The following SCARA5 variants were observed in gnomAD, a reference collection of about 807,000 sequenced individuals.
SCARA5 encodes the protein scavenger receptor class A, member 5 (putative).
A neutral mutation model predicts 46.3 loss-of-function variants in SCARA5; 45 were observed. The observed-to-expected ratio is 0.97, with a 90% CI of 0.76 to 1.24. The LOEUF (loss-of-function observed/expected upper bound fraction) is 1.24. Ranked by LOEUF, SCARA5 falls within the 50% of genes most tolerant of loss-of-function variation. The pLI is 0.00. For missense variants in SCARA5, 680 were observed against 689.0 expected, an observed-to-expected ratio of 0.99 and a Z score of 0.15; for synonymous variants, 333 against 306.5, an observed-to-expected ratio of 1.09 and a Z score of -0.90.
chr8:27,984,303 T>C (rs760987018), intron 2 of SCARA5, among the ~76,000 whole-genome samples: 8 of 152,216 alleles, frequency 5.3e-5, no homozygotes, highest in Non-Finnish European at 1.0e-4. Flanking sequence ...GCCCACAAGC[T>C]TTGAAGTCAC....
intron 3 of SCARA5, among the ~76,000 whole-genome samples, chr8:27,955,442 C>T (rs939514558): frequency 2.6e-5 from 4 of 152,216 alleles, no homozygotes; most frequent in Non-Finnish European, 5.9e-5. Context: ...TGCCGGGCCA[C>T]TCTGGGCTGC....
chr8:27,880,946 G>A (rs1285269438), intron 7 of SCARA5, among the ~76,000 whole-genome samples: 2 of 149,650 alleles, frequency 1.3e-5, no homozygotes, highest in Non-Finnish European at 3.0e-5. Context: ...ATGAAAAAAT[G>A]CTCATCGTTA....
intron 2 of SCARA5, among the ~76,000 whole-genome samples, chr8:27,972,419 C>T (rs1345901945): frequency 6.6e-6 from 1 of 152,064 alleles, no homozygotes; most frequent in Non-Finnish European, 1.5e-5. Context: ...TCTTGAACAC[C>T]ACTATGCTGT....
At chr8:27,974,526 C>T (rs760873800) in intron 2 of SCARA5, among the ~76,000 whole-genome samples, 5 of 151,930 alleles carry the variant, frequency 3.3e-5, no homozygotes, top group Non-Finnish European at 7.4e-5. Context: ...CTACTTTCTT[C>T]TTGTTGTCTT....
chr8:27,985,726 G>A (rs534660969), intron 2 of SCARA5, among the ~76,000 whole-genome samples: 5 of 152,268 alleles, frequency 3.3e-5, no homozygotes, highest in African/African-American at 9.6e-5. Context: ...GAATCAGCCT[G>A]GACTCCACAC....
intron 2 of SCARA5, among the ~76,000 whole-genome samples, chr8:27,971,806 G>A (rs955139942): frequency 1.3e-5 from 2 of 149,726 alleles, no homozygotes; most frequent in Admixed American, 6.6e-5. Context: ...TGTGGAGCAC[G>A]TGGCTGCTTG....
At chr8:27,887,636 C>T (rs1372069167) in intron 7 of SCARA5, among the ~76,000 whole-genome samples, 2 of 152,190 alleles carry the variant, frequency 1.3e-5, no homozygotes, top group Non-Finnish European at 2.9e-5. Flanking sequence ...AATGCCCACC[C>T]CTGCCCCCCA....
chr8:27,896,550 T>G (rs923124413), intron 7 of SCARA5, among the ~76,000 whole-genome samples: 3 of 152,272 alleles, frequency 2.0e-5, no homozygotes, highest in Admixed American at 2.0e-4. Context: ...CCCAGAGTTA[T>G]TCTGAAACAT....
At chr8:27,893,127 C>G (rs1243469122) in intron 7 of SCARA5, among the ~76,000 whole-genome samples, 1 of 152,140 alleles carries the variant, frequency 6.6e-6, no homozygotes, top group Non-Finnish European at 1.5e-5. Context: ...CCTTTTTGCA[C>G]TCGTAGGAAG....
chr8:27,925,302 G>A (rs1807662601), intron 3 of SCARA5, among the ~76,000 whole-genome samples: 1 of 152,082 alleles, frequency 6.6e-6, no homozygotes, highest in African/African-American at 2.4e-5. Context: ...ATAGACCAAT[G>A]GAACAGAGCA....
chr8:27,971,482 A>G (rs1028082397), intron 2 of SCARA5, among the ~76,000 whole-genome samples: 1 of 152,244 alleles, frequency 6.6e-6, no homozygotes, highest in African/African-American at 2.4e-5. Context: ...AGGAAGTACC[A>G]GACAAAGCTG....
At chr8:27,928,393 A>G (rs1159437442) in intron 3 of SCARA5, among the ~76,000 whole-genome samples, 1 of 152,246 alleles carries the variant, frequency 6.6e-6, no homozygotes, top group East Asian at 1.9e-4. Context: ...TGTGCCAAGC[A>G]CTGTTCTAAG....
chr8:27,973,456 G>C (rs1289321681), intron 2 of SCARA5, among the ~76,000 whole-genome samples: 1 of 152,170 alleles, frequency 6.6e-6, no homozygotes, highest in Non-Finnish European at 1.5e-5. Context: ...CAGCCTGGGT[G>C]ACAGAGTGAG....
At chr8:27,888,340 C>G (rs1000692107) in intron 7 of SCARA5, among the ~76,000 whole-genome samples, 1 of 152,242 alleles carries the variant, frequency 6.6e-6, no homozygotes, top group African/African-American at 2.4e-5. Context: ...CCTTAATATT[C>G]CTTTCTGCTG....
rs1807595409 is a variant in SCARA5 at position 27,921,850 on chromosome 8, C to T, written c.637G>A (p.Val213Met). 6.5e-7 allele frequency: 1 copy of T among 1,528,832 alleles called. No homozygotes were observed. Among genetic ancestry groups the T allele is most frequent in the East Asian group, 2.5e-5 (1 of 40,816 alleles). 94.7% of individuals were successfully genotyped at this position (1,528,832 alleles called of 1,614,324 possible). A position where few individuals can be genotyped will look rare whatever the true frequency, so the allele number is the denominator to read the frequency against. Residue 213 changes from valine (V) to methionine (M), a missense_variant, in exon 4 of 9, where the codon GTG becomes ATG. By Grantham distance (21) the Val-to-Met change is conservative. This residue lies in a region of SCARA5 where 438 missense variants were observed against 384.5 expected (regional missense o/e 1.14). Transcript: ENST00000354914. Reference protein sequence around the residue: ...AGLLDGLARRVGILGEELADV... With the variant: ...AGLLDGLARRMGILGEELADV... ...GCCAGCTCCTCGCCCAGGATGCCCA[C>T]CCTGCGCGCCAGCCCGTCCAGCAGG...
chr8:27,919,497 T>C (rs1807547387), intron 4 of SCARA5, among the ~76,000 whole-genome samples: 1 of 152,064 alleles, frequency 6.6e-6, no homozygotes, highest in Non-Finnish European at 1.5e-5. Flanking sequence ...AGGCAGACCT[T>C]GTCAACCTGG....
chr8:27,922,059 G>A lies in SCARA5; in HGVS notation c.428C>T (p.Ala143Val), dbSNP rs776338281. 2.1e-5 allele frequency: 34 copies of A among 1,587,880 alleles called. No individual in the cohort carries two copies. Among genetic ancestry groups the A allele is most frequent in the Admixed American group, 7.0e-5 (4 of 57,078 alleles). Reference sequence around the variant, plus strand: ...GCCCTCCAGCCGCTGCACTGCGCCCGCCAGCGCCAGCAACGAGTCTGACTG... The same window carrying A: ...GCCCTCCAGCCGCTGCACTGCGCCCACCAGCGCCAGCAACGAGTCTGACTG... The part of the protein sequence containing the change: ...QNQSDSLLAL[A>V]GAVQRLEGAL... The change falls in exon 4 of 9, where the codon GCG becomes GTG. Residue 143 changes from alanine to valine, a missense_variant. Ala to Val is a moderately conservative substitution (Grantham distance 64). Transcript: ENST00000354914.
chr8:27,944,431 T>C (rs1166414660), intron 3 of SCARA5, among the ~76,000 whole-genome samples: 2 of 152,078 alleles, frequency 1.3e-5, no homozygotes, highest in East Asian at 3.8e-4. Flanking sequence ...AAATTAAAAA[T>C]GGTAATAACA....
At position 27,946,197 on chromosome 8, in the gene SCARA5, T is replaced by C. The variant is rs146852870; in HGVS notation, c.241+20217A>G. ...GGTACATTAACCAGATGAACTTTAA[T>C]GAAGCTCTAAAAATGACAACCATGA... On this transcript the variant is annotated intron_variant, in intron 3 of 8. Coordinates refer to ENST00000354914, the MANE Select transcript of SCARA5 (RefSeq NM_173833.6). Among the ~76,000 whole-genome samples, 387 of 152,336 alleles carry C rather than the reference T, an allele frequency of 2.5e-3. 2 individuals carry two copies. Among genetic ancestry groups the C allele is most frequent in the African/African-American group, 8.2e-3 (343 of 41,576 alleles).
Sources: gnomAD v4.1 joint callset for allele counts (sites outside exome capture counted in the v4.1 genomes callset) on GRCh38, gnomAD v4.1.1 for gene constraint, gnomAD v4.1.1 regional missense constraint, MANE v1.5 for transcripts, NCBI Gene and HGNC (gene_info 2026-07-23, HGNC 2026-07-21) for gene names.